NLGN2: variants seen among roughly 807,000 people sequenced by gnomAD.
NLGN2 encodes the protein neuroligin 2.
NLGN2 carries 11 observed loss-of-function variants against 48.6 expected under a neutral mutation model. That is an observed-to-expected ratio of 0.23 (90% confidence interval 0.14 to 0.37). The LOEUF is 0.37. Among genes scored for constraint, NLGN2 ranks in the 10% least tolerant of loss-of-function variants. The probability of loss-of-function intolerance (pLI) is 1.00; values close to 1 mark genes in which losing one functional copy is unlikely to be tolerated. For synonymous variants in NLGN2, 548 were observed against 550.0 expected, an observed-to-expected ratio of 1.00 and a Z score of 0.05; for missense variants, 801 against 1,225.2, an observed-to-expected ratio of 0.65 and a Z score of 5.17.
At chr17:7,414,320 A>AC in intron 2 of NLGN2, 24 bp from the exon 3 acceptor site, 2 of 1,223,762 alleles carry the variant, frequency 1.6e-6, no homozygotes, top group Admixed American at 2.3e-5. Flanking sequence ...CCCCTGGCCC[A>AC]CCTGCCCACC....
chr17:7,408,149 C>T lies in NLGN2; in HGVS notation c.-107C>T, dbSNP rs1392682120. 2 of 528,634 alleles carry T rather than the reference C, an allele frequency of 3.8e-6. No individual in the cohort carries two copies. The highest frequency in any genetic ancestry group is 2.0e-5 in the African/African-American group (1 of 49,152). 32.7% of individuals were successfully genotyped at this position (528,634 alleles called of 1,614,324 possible). ...CCCCCTCCTCCCTCCTTTCCCCCCG[C>T]CCCTCCTCCCTCCTGGGGCGAGGGG... On this transcript the variant is annotated 5_prime_UTR_variant, in exon 1 of 7. Coordinates refer to ENST00000302926, the MANE Select transcript of NLGN2 (RefSeq NM_020795.4). The surrounding 1 kb of genome is among the most constrained non-coding windows in gnomAD (Gnocchi z 7.5).
In NLGN2 at chr17:7,418,330, A is replaced by G. The variant is rs1907231494; in HGVS notation, c.*531A>G. The G allele has an allele frequency of 6.6e-6, 1 of 152,134 alleles. No individual in the cohort carries two copies. The highest frequency in any genetic ancestry group is 1.5e-5 in the Non-Finnish European group (1 of 68,116). 9.4% of individuals were successfully genotyped at this position (152,134 alleles called of 1,614,324 possible). A position where few individuals can be genotyped will look rare whatever the true frequency, so the allele number is the denominator to read the frequency against. ...GATGGAGCCTGGGAAGCAGCGAGGA[A>G]ATCACAGCCCCCTCGCCCCTGCCTC... is the stretch of plus-strand genomic sequence containing the variant. On this transcript the variant is annotated 3_prime_UTR_variant, in exon 7 of 7. Coordinates refer to ENST00000302926, the MANE Select transcript of NLGN2 (RefSeq NM_020795.4).
chr17:7,415,661 G>C lies in NLGN2; in HGVS notation c.1188G>C (p.Glu396Asp), dbSNP rs769488635. The change falls in exon 6 of 7, where the codon GAG (glutamate) becomes GAC (aspartate). Residue 396 changes from glutamate (E) to aspartate (D), a missense_variant. By Grantham distance (45) the Glu-to-Asp change is conservative. This residue lies in a region of NLGN2 where 303 missense variants were observed against 600.1 expected (regional missense o/e 0.50). Transcript: ENST00000302926. ...EGLKFVEDSA[E>D]SEDGVSASAF... The stretch of plus-strand genomic sequence containing the variant: ...TCAAGTTCGTGGAGGACTCTGCAGA[G>C]AGCGAGGACGGTGTGTCTGCCAGCG... 6.2e-7 allele frequency: 1 copy of C among 1,614,276 alleles called. No homozygotes were observed. Among genetic ancestry groups the C allele is most frequent in the Admixed American group, 1.7e-5 (1 of 60,036 alleles).
chr17:7,416,065 G>T lies in NLGN2; in HGVS notation c.1592G>T (p.Ser531Ile). The change falls in exon 6 of 7, where the codon AGT becomes ATT. Residue 531 changes from serine to isoleucine, a missense_variant. By Grantham distance (142) the Ser-to-Ile change is moderately radical (BLOSUM62 -2). Around this residue, in one of 5 missense-constraint regions of NLGN2, gnomAD observed 303 missense variants for 600.1 expected, o/e 0.50. Coordinates refer to ENST00000302926, the MANE Select transcript of NLGN2 (RefSeq NM_020795.4). ...TTCTCCAAGAATGACGTCATGCTCA[G>T]TGCCGTGGTCATGACCTACTGGACC... ...CNFSKNDVML[S>I]AVVMTYWTNF... 6.2e-7 allele frequency: 1 copy of T among 1,613,906 alleles called. No individual in the cohort carries two copies. Among genetic ancestry groups the T allele is most frequent in the Non-Finnish European group, 8.5e-7 (1 of 1,179,968 alleles).
At chr17:7,407,628 G>A (rs185400015), upstream of NLGN2, among the ~76,000 whole-genome samples, 8 of 152,266 alleles carry the variant, frequency 5.3e-5, 1 homozygote, top group East Asian at 1.5e-3. Context: ...GGTGGGAGCT[G>A]GGACTCCTGA....
intron 1 of NLGN2, 67 bp from the exon 2 acceptor site, chr17:7,412,090 T>TC (rs1251352325): frequency 1.3e-5 from 3 of 234,198 alleles, no homozygotes; most frequent in Admixed American, 1.0e-4. Flanking sequence ...ATCCACCACC[T>TC]CCCCCCGACC....
intron 1 of NLGN2, among the ~76,000 whole-genome samples, chr17:7,409,899 C>T (rs559714615): frequency 1.8e-4 from 27 of 152,232 alleles, no homozygotes; most frequent in Non-Finnish European, 3.4e-4. Context: ...AAACTATGTA[C>T]CATGTCACCC....
chr17:7,414,248 C>A, intron 2 of NLGN2, 96 bp from the exon 3 acceptor site: 2 of 1,169,050 alleles, frequency 1.7e-6, no homozygotes, highest in Middle Eastern at 2.4e-4. Flanking sequence ...CCAGGCCAGT[C>A]CTCAGCAGGC....
rs1228150410 is a variant in NLGN2 at position 7,408,486 on chromosome 17, G to A, written c.231G>A (p.Pro77=). ...VQFLGVPYAT[P]PLGARRFQPP... Reference sequence around the variant, plus strand: ...TCTTGGGCGTGCCCTACGCCACGCCGCCCCTGGGCGCCCGCCGCTTCCAGC... The same window carrying A: ...TCTTGGGCGTGCCCTACGCCACGCCACCCCTGGGCGCCCGCCGCTTCCAGC... Residue 77 remains proline (P), a synonymous_variant, in exon 1 of 7, where the codon CCG becomes CCA. Coordinates refer to ENST00000302926, the MANE Select transcript of NLGN2 (RefSeq NM_020795.4). This position sits in a 1 kb window ranked among gnomAD's most constrained non-coding sequence, Gnocchi z 7.5. The A allele has an allele frequency of 8.1e-6, 12 of 1,487,664 alleles. No individual in the cohort carries two copies. Among genetic ancestry groups the A allele is most frequent in the Non-Finnish European group, 9.8e-6 (11 of 1,122,382 alleles). 92.2% of individuals were successfully genotyped at this position (1,487,664 alleles called of 1,614,324 possible). A position where few individuals can be genotyped will look rare whatever the true frequency, so the allele number is the denominator to read the frequency against.
At chr17:7,410,816 G>A (rs983607207) in intron 1 of NLGN2, among the ~76,000 whole-genome samples, 3 of 151,092 alleles carry the variant, frequency 2.0e-5, no homozygotes, top group Non-Finnish European at 2.9e-5. Context: ...TGACTCAGGC[G>A]CGCGCGCGCA....
chr17:7,416,825 CT>C, intron 6 of NLGN2, 100 bp from the exon 7 acceptor site: 1 of 1,408,696 alleles, frequency 7.1e-7, no homozygotes, highest in Non-Finnish European at 9.8e-7. Context: ...TGCTGTCCCC[CT>C]GTCTCTCTGC....
At position 7,413,033 on chromosome 17, in the gene NLGN2, T is replaced by G. The variant is rs1264322093; in HGVS notation, c.508+826T>G. Reference sequence around the variant, plus strand: ...CACTGGGAGAGGGGTGGGGTGAGGATGGGAGAACTGAGGACAATTAGGACA... The same window carrying G: ...CACTGGGAGAGGGGTGGGGTGAGGAGGGGAGAACTGAGGACAATTAGGACA... On this transcript the variant is annotated intron_variant, in intron 2 of 6. Transcript: ENST00000302926. This position sits in a 1 kb window ranked among gnomAD's most constrained non-coding sequence, Gnocchi z 4.9. Among the ~76,000 whole-genome samples, 4 of 152,008 alleles carry G rather than the reference T, an allele frequency of 2.6e-5. No homozygotes were observed. The highest frequency in any genetic ancestry group is 5.9e-5 in the Non-Finnish European group (4 of 67,994).
chr17:7,410,419 C>T (rs1160038154), intron 1 of NLGN2, among the ~76,000 whole-genome samples: 1 of 152,038 alleles, frequency 6.6e-6, no homozygotes, highest in Non-Finnish European at 1.5e-5. Flanking sequence ...GCCCCACGTG[C>T]CCCCCAGTAC....
At chr17:7,410,583 A>C (rs550138820) in intron 1 of NLGN2, among the ~76,000 whole-genome samples, 1 of 151,988 alleles carries the variant, frequency 6.6e-6, no homozygotes, top group African/African-American at 2.4e-5. Context: ...GGGCCCCCTC[A>C]TGGGTGCTGT....
In NLGN2 at chr17:7,417,621, CG is replaced by C; in HGVS notation, c.2332del (p.Asp778ThrfsTer11). 1 of 1,416,420 alleles carries C rather than the reference CG, an allele frequency of 7.1e-7. No homozygotes were observed. Among genetic ancestry groups the C allele is most frequent in the Admixed American group, 2.9e-5 (1 of 34,166 alleles). 87.7% of individuals were successfully genotyped at this position (1,416,420 alleles called of 1,614,324 possible). ...PDYTLALRRA[P>X]DDVPLLAPGA... is the part of the protein sequence containing the mutation. ...TACACCCTGGCCCTGCGCCGGGCAC[CG>C]GACGATGTGCCTCTCTTGGCCCCCG... On this transcript the variant is annotated frameshift_variant, in exon 7 of 7. Coordinates refer to ENST00000302926, the MANE Select transcript of NLGN2 (RefSeq NM_020795.4). LOFTEE classifies it high-confidence loss of function.
In NLGN2 at chr17:7,417,559, C is replaced by T. The variant is rs749148677; in HGVS notation, c.2268C>T (p.Asp756=). ...QLKRGGGVGA[D]PAEALRPACP... is the part of the protein sequence containing the mutation. ...AGCGGGGTGGTGGCGTCGGGGCGGA[C>T]CCTGCCGAGGCTCTGCGCCCTGCCT... Residue 756 remains aspartate (D), a synonymous_variant, in exon 7 of 7, where the codon GAC becomes GAT. Transcript: ENST00000302926. 1.2e-3 allele frequency: 1,771 copies of T among 1,453,762 alleles called. 1 individual carries two copies. Among genetic ancestry groups the T allele is most frequent in the Non-Finnish European group, 1.4e-3 (1,546 of 1,109,432 alleles). 90.1% of individuals were successfully genotyped at this position (1,453,762 alleles called of 1,614,324 possible).
upstream of NLGN2, among the ~76,000 whole-genome samples, chr17:7,407,258 C>T (rs577798722): frequency 2.6e-5 from 4 of 152,178 alleles, no homozygotes; most frequent in East Asian, 1.9e-4. Context: ...TCCCGTCACC[C>T]GGCAACCGGC....
intron 1 of NLGN2, among the ~76,000 whole-genome samples, chr17:7,409,630 T>A (rs1352916686): frequency 6.6e-6 from 1 of 151,960 alleles, no homozygotes; most frequent in East Asian, 1.9e-4. Flanking sequence ...GTATAGACCA[T>A]CCGCTGCCAC....
chr17:7,415,075 A>G lies in NLGN2; in HGVS notation c.964A>G (p.Ser322Gly). The change falls in exon 5 of 7, where the codon AGC becomes GGC. Residue 322 changes from serine to glycine, a missense_variant. Coordinates refer to ENST00000302926, the MANE Select transcript of NLGN2 (RefSeq NM_020795.4). ...CAAGGTGGGCTGTGACCGAGAGGACAGCGCTGAAGCTGTGGAGTGTCTGCG... is the reference window on the plus strand; with the variant it reads ...CAAGGTGGGCTGTGACCGAGAGGACGGCGCTGAAGCTGTGGAGTGTCTGCG... ...AAKVGCDRED[S>G]AEAVECLRRK... 1 of 1,613,318 alleles carries G rather than the reference A, an allele frequency of 6.2e-7. No homozygotes were observed. The highest frequency in any genetic ancestry group is 8.5e-7 in the Non-Finnish European group (1 of 1,179,760).
Sources: allele counts gnomAD v4.1 joint callset (sites outside exome capture counted in the v4.1 genomes callset), GRCh38; gene constraint gnomAD v4.1.1; regional missense constraint gnomAD v4.1.1; non-coding constraint Gnocchi (gnomAD v3.1); transcripts MANE v1.5; gene names NCBI Gene and HGNC (gene_info 2026-07-23, HGNC 2026-07-21).